The following SMIM40 variants were observed in gnomAD, a reference collection of about 807,000 sequenced individuals.
SMIM40 encodes the protein small integral membrane protein 40.
Position 33,329,273 on chromosome 6 carries a change from C to CACAGTCAG in SMIM40, c.-9_-8insCTGACTGT. 1 of 398,698 alleles carries CACAGTCAG rather than the reference C, an allele frequency of 2.5e-6. No homozygotes were observed. The highest frequency in any genetic ancestry group is 4.4e-6 in the Non-Finnish European group (1 of 226,164). The allele number at this position is 398,698 out of a possible 1,614,324, so 24.7% of individuals were successfully genotyped here. On this transcript the variant is annotated 5_prime_UTR_variant, in exon 1 of 3. Transcript: ENST00000494082. Reference sequence around the variant, plus strand: ...ATCACCTTCCTCTGCCATCCTGACTCACAGTCAGACAGCTGGCTGGATCAG... The same window carrying CACAGTCAG: ...ATCACCTTCCTCTGCCATCCTGACTCACAGTCAGACAGTCAGACAGCTGGCTGGATCAG...
chr6:33,329,023 T>G lies in SMIM40; in HGVS notation c.*3A>C, dbSNP rs532914139. The G allele has an allele frequency of 2.5e-6, 1 of 398,364 alleles. No homozygotes were observed. The highest frequency in any genetic ancestry group is 1.3e-4 in the South Asian group (1 of 7,850). 24.7% of individuals were successfully genotyped at this position (398,364 alleles called of 1,614,324 possible). On this transcript the variant is annotated 3_prime_UTR_variant, in exon 1 of 3. Coordinates refer to ENST00000494082, the MANE Select transcript of SMIM40 (RefSeq NM_001369203.1). ...GGAAAGAAGATGTTTATAGGAAAGG[T>G]GGTCACAATTCCAGCTCCTCCTCCT...
intron 1 of SMIM40, among the ~76,000 whole-genome samples, chr6:33,324,465 C>T (rs936687987): frequency 1.5e-4 from 22 of 150,722 alleles, no homozygotes; most frequent in African/African-American, 5.4e-4. Flanking sequence ...ATGAAATCTC[C>T]TGGGGGTAAT....
At chr6:33,328,883 T>G in intron 1 of SMIM40, 104 bp downstream of exon 1, 1 of 319,510 alleles carries the variant, frequency 3.1e-6, no homozygotes. Context: ...CAAAACTCCA[T>G]CTCAAAAAAA....
chr6:33,325,752 G>A (rs1461747780), intron 1 of SMIM40, among the ~76,000 whole-genome samples: 3 of 147,244 alleles, frequency 2.0e-5, no homozygotes, highest in Non-Finnish European at 2.9e-5. Flanking sequence ...CAGCTACTCC[G>A]GAGGCTGAGG....
chr6:33,325,912 T>C (rs920676989), intron 1 of SMIM40, among the ~76,000 whole-genome samples: 5 of 148,954 alleles, frequency 3.4e-5, no homozygotes, highest in Admixed American at 2.6e-4. Context: ...TCTGTTCTTA[T>C]AATAATTGTA....
intron 1 of SMIM40, among the ~76,000 whole-genome samples, chr6:33,324,914 G>GAAAAAAAAAAAAAA (rs1003238652): frequency 1.2e-5 from 1 of 86,632 alleles, no homozygotes; most frequent in Non-Finnish European, 2.5e-5. Context: ...AAAAAAAAAG[G>GAAAAAAAAAAAAAA]AAAAAAAAAG....
chr6:33,327,861 C>CA (rs375476107), intron 1 of SMIM40, among the ~76,000 whole-genome samples: 1,472 of 70,350 alleles, frequency 0.021, 77 homozygotes, highest in Middle Eastern at 0.069. Context: ...GACTCTGTCA[C>CA]AAAAAAAAAA....
chr6:33,327,498 G>A lies in SMIM40; in HGVS notation c.*39+1489C>T, dbSNP rs1480275395. Among the ~76,000 whole-genome samples, 3 of 149,616 alleles carry A rather than the reference G, an allele frequency of 2.0e-5. 1 individual carries two copies. Among genetic ancestry groups the A allele is most frequent in the African/African-American group, 7.7e-5 (3 of 39,054 alleles). On this transcript the variant is annotated intron_variant, in intron 1 of 2. Transcript: ENST00000494082. ...AATCCTAGCACTTTGGGAAGTTGAGGTGGGTGGATTGCTTGATCTCAGGAT... is the reference window on the plus strand; with the variant it reads ...AATCCTAGCACTTTGGGAAGTTGAGATGGGTGGATTGCTTGATCTCAGGAT...
chr6:33,325,496 G>A (rs1172605089), intron 1 of SMIM40, among the ~76,000 whole-genome samples: 1 of 148,668 alleles, frequency 6.7e-6, no homozygotes, highest in African/African-American at 2.6e-5. Flanking sequence ...GGCGTGAACC[G>A]CCACTCCCAG....
intron 1 of SMIM40, among the ~76,000 whole-genome samples, chr6:33,326,078 A>G: frequency 6.7e-6 from 1 of 149,538 alleles, no homozygotes; most frequent in East Asian, 1.9e-4. Context: ...TTTGTGGGGA[A>G]GTGGAGTAGT....
chr6:33,326,714 A>C (rs553898256), intron 1 of SMIM40, among the ~76,000 whole-genome samples: 4 of 147,918 alleles, frequency 2.7e-5, no homozygotes, highest in Non-Finnish European at 5.9e-5. Context: ...AATCCCAGCT[A>C]TTTGGGAGCT....
rs9280407 is a variant in SMIM40 at position 33,325,686 on chromosome 6, CAAAAAA to C, written c.*40-1662_*40-1657del. Among the ~76,000 whole-genome samples, 6 of 98,662 alleles carry C rather than the reference CAAAAAA, an allele frequency of 6.1e-5. No individual in the cohort carries two copies. The East Asian group carries it at 1.7e-3, about 27-fold the overall frequency. 64.7% of individuals were successfully genotyped at this position (98,662 alleles called of 152,430 possible). ...GAAACCCTGTCTCTACTAAAAATAC[CAAAAAA>C]AAAAAAAAAAAAAAATTAGCTGGGC... On this transcript the variant is annotated intron_variant, in intron 1 of 2. Coordinates refer to ENST00000494082, the MANE Select transcript of SMIM40 (RefSeq NM_001369203.1).
intron 1 of SMIM40, among the ~76,000 whole-genome samples, chr6:33,326,784 A>T (rs1771208400): frequency 6.7e-6 from 1 of 148,624 alleles, no homozygotes. Flanking sequence ...AGATCACGCC[A>T]CTGCACTCCA....
chr6:33,326,337 TTTTTTGTA>T (rs1413335745), intron 1 of SMIM40, among the ~76,000 whole-genome samples: 16 of 96,414 alleles, frequency 1.7e-4, no homozygotes, highest in Middle Eastern at 4.9e-3. Context: ...ATTTTTTGTA[TTTTTTGTA>T]TTTTTTTTTT....
intron 1 of SMIM40, among the ~76,000 whole-genome samples, chr6:33,326,685 C>T (rs1303149512): frequency 4.2e-5 from 6 of 143,892 alleles, no homozygotes; most frequent in Non-Finnish European, 6.0e-5. Flanking sequence ...AATAGCCAGG[C>T]GTGGTCGTGG....
intron 1 of SMIM40, among the ~76,000 whole-genome samples, chr6:33,327,240 G>T (rs1771255362): frequency 6.7e-6 from 1 of 148,280 alleles, no homozygotes; most frequent in African/African-American, 2.6e-5. Context: ...GGCCAATATG[G>T]TGACACCCCC....
rs546222735 is a variant in SMIM40 at position 33,327,039 on chromosome 6, G to T, written c.*39+1948C>A. ...TTTGGGAGGCTGAGGCAGGAGAATC[G>T]CTTGAACCCGGGAGGCAGAGGTTGC... is the stretch of plus-strand genomic sequence containing the variant. On this transcript the variant is annotated intron_variant, in intron 1 of 2. Coordinates refer to ENST00000494082, the MANE Select transcript of SMIM40 (RefSeq NM_001369203.1). Among the ~76,000 whole-genome samples, 5 of 148,688 alleles carry T rather than the reference G, an allele frequency of 3.4e-5. No individual in the cohort carries two copies. In the South Asian group the frequency reaches 8.4e-4, roughly 25 times the overall value.
At chr6:33,324,545 C>CTTTTTTTTTTTTTTTTTTCCTTT (rs1771014179) in intron 1 of SMIM40, among the ~76,000 whole-genome samples, 11 of 103,210 alleles carry the variant, frequency 1.1e-4, no homozygotes, top group African/African-American at 4.0e-4. Flanking sequence ...ACCACCTTTT[C>CTTTTTTTTTTTTTTTTTTCCTTT]TTTTTTTTTT....
Position 33,329,010 on chromosome 6 carries a change from T to A in SMIM40, c.*16A>T, listed in dbSNP as rs1193199921. The A allele has an allele frequency of 1.3e-5, 5 of 398,534 alleles. No individual in the cohort carries two copies. The highest frequency in any genetic ancestry group is 4.4e-5 in the Admixed American group (1 of 22,692). 24.7% of individuals were successfully genotyped at this position (398,534 alleles called of 1,614,324 possible). A position where few individuals can be genotyped will look rare whatever the true frequency, so the allele number is the denominator to read the frequency against. ...ACCTCCTTGGTGGGGAAAGAAGATG[T>A]TTATAGGAAAGGTGGTCACAATTCC... On this transcript the variant is annotated 3_prime_UTR_variant, in exon 1 of 3. Coordinates refer to ENST00000494082, the MANE Select transcript of SMIM40 (RefSeq NM_001369203.1).
Sources: allele counts gnomAD v4.1 joint callset (sites outside exome capture counted in the v4.1 genomes callset), GRCh38; gene constraint gnomAD v4.1.1; transcripts MANE v1.5; gene names NCBI Gene and HGNC (gene_info 2026-07-23, HGNC 2026-07-21).